The following ABCD3 variants were observed in gnomAD, a reference collection of about 807,000 sequenced individuals.
The protein encoded by ABCD3 is ATP-binding cassette sub-family D member 3.
A neutral mutation model predicts 105.5 loss-of-function variants in ABCD3; 41 were observed. That is an observed-to-expected ratio of 0.39 (90% CI 0.30 to 0.50). The LOEUF is 0.50. ABCD3 is among the 20% of genes least tolerant of loss of function. The pLI, the probability that ABCD3 is intolerant of heterozygous loss-of-function variation, is 0.84. For synonymous variants in ABCD3, 258 were observed against 269.0 expected, an observed-to-expected ratio of 0.96 and a Z score of 0.40; for missense variants, 622 against 806.3, an observed-to-expected ratio of 0.77 and a Z score of 2.77.
Position 94,499,560 on chromosome 1 carries a change from C to T in ABCD3, c.1686C>T (p.Asp562=), listed in dbSNP as rs376439229. 6 of 1,613,638 alleles carry T rather than the reference C, an allele frequency of 3.7e-6. No individual in the cohort carries two copies. The highest frequency in any genetic ancestry group is 2.2e-5 in the East Asian group (1 of 44,832). Residue 562 remains aspartate (D), a synonymous_variant, in exon 20 of 23, where the codon GAC becomes GAT. Coordinates refer to ENST00000370214, the MANE Select transcript of ABCD3 (RefSeq NM_002858.4). The stretch of plus-strand genomic sequence containing the variant: ...TCCTTGAACGTGAAGGAGGCTGGGA[C>T]AGTGTTCAGGATTGGATGGACGTAC... The part of the protein sequence containing the change: ...GHILEREGGW[D]SVQDWMDVLS...
chr1:94,454,178 ATAT>A (rs1329835394), intron 1 of ABCD3, among the ~76,000 whole-genome samples: 1 of 152,214 alleles, frequency 6.6e-6, no homozygotes, highest in Non-Finnish European at 1.5e-5. Context: ...ACAAGTGAGA[ATAT>A]TATAATAGTT....
chr1:94,488,200 G>A (rs962273481), intron 13 of ABCD3, among the ~76,000 whole-genome samples: 1 of 152,140 alleles, frequency 6.6e-6, no homozygotes, highest in Non-Finnish European at 1.5e-5. Context: ...AGGCTGTCAA[G>A]TTGTTTGCTC....
At chr1:94,507,514 G>A in intron 21 of ABCD3, among the ~76,000 whole-genome samples, 1 of 152,024 alleles carries the variant, frequency 6.6e-6, no homozygotes, top group Admixed American at 6.6e-5. Flanking sequence ...CCAGTAATGG[G>A]ATGGCTGGGT....
intron 1 of ABCD3, among the ~76,000 whole-genome samples, chr1:94,437,231 T>C (rs1326969636): frequency 6.6e-6 from 1 of 152,240 alleles, no homozygotes; most frequent in Non-Finnish European, 1.5e-5. Context: ...ACAAAACAGC[T>C]ATCTATTGGA....
At chr1:94,452,542 T>C (rs183917242) in intron 1 of ABCD3, among the ~76,000 whole-genome samples, 35 of 152,326 alleles carry the variant, frequency 2.3e-4, no homozygotes, top group Admixed American at 1.5e-3. Context: ...GAATTTGGAT[T>C]TTATTCTGAA....
At chr1:94,390,846 C>A in the ABCD3 span, among the ~76,000 whole-genome samples, 10 of 151,898 alleles carry the variant, frequency 6.6e-5, no homozygotes, top group Non-Finnish European at 1.2e-4. Flanking sequence ...AACAGATCCC[C>A]TAAACCGATT....
At chr1:94,445,568 G>A (rs1489719419) in intron 1 of ABCD3, among the ~76,000 whole-genome samples, 1 of 152,130 alleles carries the variant, frequency 6.6e-6, no homozygotes, top group Admixed American at 6.5e-5. Context: ...AACAGCAAAG[G>A]AGGAAGAGGT....
intron 5 of ABCD3, among the ~76,000 whole-genome samples, chr1:94,474,886 C>CA (rs1372513605): frequency 2.0e-5 from 3 of 149,460 alleles, no homozygotes; most frequent in South Asian, 2.1e-4. Context: ...GCCCGTTTAC[C>CA]AAAAAAAATG....
intron 1 of ABCD3, among the ~76,000 whole-genome samples, chr1:94,429,057 G>C (rs1659577152): frequency 6.6e-6 from 1 of 152,190 alleles, no homozygotes; most frequent in African/African-American, 2.4e-5. Flanking sequence ...CTCAGATGGA[G>C]ATGAGGAACT....
At chr1:94,444,924 G>A (rs1187866114) in intron 1 of ABCD3, among the ~76,000 whole-genome samples, 1 of 152,160 alleles carries the variant, frequency 6.6e-6, no homozygotes, top group Non-Finnish European at 1.5e-5. Flanking sequence ...CCGGAATGAG[G>A]GCAAGGGACA....
intron 9 of ABCD3, 111 bp downstream of exon 9, chr1:94,480,717 A>G: frequency 8.7e-7 from 1 of 1,143,442 alleles, no homozygotes; most frequent in Non-Finnish European, 1.3e-6. Context: ...TAATGTGCAT[A>G]TTGTGTTGAA....
intron 3 of ABCD3, among the ~76,000 whole-genome samples, chr1:94,465,564 A>G (rs565660771): frequency 7.3e-4 from 111 of 152,306 alleles, no homozygotes; most frequent in African/African-American, 2.5e-3. Flanking sequence ...TTATAGTTAA[A>G]TACTGTTGAT....
rs57988079 is a variant in ABCD3 at position 94,496,451 on chromosome 1, T to TTGTG, written c.1387-2127_1387-2124dup. ...ATTTTAAAGGTTGAATGCCATTTCA[T>TTGTG]TGTGTGTGTGTGTGTGTGTGTGTGT... is the stretch of plus-strand genomic sequence containing the variant. On this transcript the variant is annotated intron_variant, in intron 16 of 22. Coordinates refer to ENST00000370214, the MANE Select transcript of ABCD3 (RefSeq NM_002858.4). Among the ~76,000 whole-genome samples the TTGTG allele has an allele frequency of 8.7e-3, 1,302 of 149,420 alleles. 14 individuals carry two copies. Among genetic ancestry groups the TTGTG allele is most frequent in the African/African-American group, 0.03 (1,210 of 40,724 alleles).
intron 9 of ABCD3, among the ~76,000 whole-genome samples, 156 bp downstream of exon 9, chr1:94,480,762 T>G (rs903873503): frequency 6.6e-6 from 1 of 152,158 alleles, no homozygotes; most frequent in African/African-American, 2.4e-5. Flanking sequence ...TTTTATAAAG[T>G]AGTAATCATG....
chr1:94,504,453 G>T (rs1650254938), intron 20 of ABCD3, among the ~76,000 whole-genome samples: 1 of 152,144 alleles, frequency 6.6e-6, no homozygotes, highest in South Asian at 2.1e-4. Context: ...CTAGGGATGA[G>T]GGTAGGTTTG....
At chr1:94,491,068 A>G (rs1282523062) in intron 15 of ABCD3, 116 bp from the exon 16 acceptor site, 1 of 700,136 alleles carries the variant, frequency 1.4e-6, no homozygotes, top group Non-Finnish European at 2.5e-6. Flanking sequence ...TTCTTTTAAG[A>G]AGTGTTTAAG....
At chr1:94,463,100 T>C (rs1647955712) in intron 2 of ABCD3, among the ~76,000 whole-genome samples, 1 of 152,150 alleles carries the variant, frequency 6.6e-6, no homozygotes, top group African/African-American at 2.4e-5. Flanking sequence ...AGTAGTTGTT[T>C]GTTGAATGAA....
chr1:94,456,726 C>T (rs1336197391), intron 1 of ABCD3, among the ~76,000 whole-genome samples: 1 of 152,018 alleles, frequency 6.6e-6, no homozygotes, highest in Non-Finnish European at 1.5e-5. Context: ...GCAGATACCT[C>T]TTTGAGATAC....
intron 22 of ABCD3, 67 bp downstream of exon 22, chr1:94,515,269 A>C (rs1355668703): frequency 3.8e-6 from 5 of 1,306,152 alleles, no homozygotes; most frequent in Non-Finnish European, 5.5e-6. Context: ...ATTCAGGTTA[A>C]TATGGTTTTA....
Sources: gnomAD v4.1 joint callset for allele counts (sites outside exome capture counted in the v4.1 genomes callset) on GRCh38, gnomAD v4.1.1 for gene constraint, MANE v1.5 for transcripts, NCBI Gene and HGNC (gene_info 2026-07-23, HGNC 2026-07-21) for gene names.